RIPOR2: variants seen among roughly 807,000 people sequenced by gnomAD.
RIPOR2 encodes the protein rho family-interacting cell polarization regulator 2.
Under a neutral mutation model 114.5 loss-of-function variants are expected in RIPOR2, and 39 were observed. That is an observed-to-expected ratio of 0.34 (90% CI 0.26 to 0.44). RIPOR2 has a LOEUF of 0.44. Among genes scored for constraint, RIPOR2 ranks in the 20% least tolerant of loss-of-function variants. The probability of loss-of-function intolerance (pLI) is 1.00; values close to 1 mark genes in which losing one functional copy is unlikely to be tolerated. For synonymous variants in RIPOR2, 445 were observed against 484.4 expected (o/e 0.92, Z 1.07); for missense variants, 1,007 against 1,255.1 (o/e 0.80, Z 2.99).
chr6:24,840,674 C>T (rs943253994), intron 13 of RIPOR2: 66 of 1,534,226 alleles, frequency 4.3e-5, no homozygotes, highest in Non-Finnish European at 5.0e-5. Flanking sequence ...CATGGGAAAA[C>T]GTCTTTCGGT....
intron 8 of RIPOR2, among the ~76,000 whole-genome samples, chr6:24,853,959 GA>G (rs747210483): frequency 3.4e-4 from 49 of 145,440 alleles, no homozygotes; most frequent in Admixed American, 5.5e-4. Flanking sequence ...CTACTAAAAA[GA>G]AAAAAAAAAA....
intron 1 of RIPOR2, among the ~76,000 whole-genome samples, chr6:24,919,954 T>C (rs140469100): frequency 6.6e-6 from 1 of 152,354 alleles, no homozygotes; most frequent in African/African-American, 2.4e-5. Context: ...TGGAGAGTTA[T>C]TGGTGTTGTT....
chr6:24,839,307 C>CAT (rs1450470471), intron 13 of RIPOR2, 35 bp from the exon 14 acceptor site: 1 of 1,527,444 alleles, frequency 6.5e-7, no homozygotes, highest in East Asian at 2.5e-5. Context: ...AGAACATCAA[C>CAT]ATATCCGGAA....
intron 14 of RIPOR2, among the ~76,000 whole-genome samples, chr6:24,838,475 G>A (rs1413019276): frequency 6.6e-6 from 1 of 152,156 alleles, no homozygotes; most frequent in Non-Finnish European, 1.5e-5. Context: ...ATGGGGTCAA[G>A]TTGTAGACAC....
At chr6:24,875,292 G>A (rs949196443) in intron 2 of RIPOR2, among the ~76,000 whole-genome samples, 3 of 152,210 alleles carry the variant, frequency 2.0e-5, no homozygotes, top group Non-Finnish European at 4.4e-5. Flanking sequence ...ACTAACTTTG[G>A]CAACCTCTGT....
chr6:24,986,759 G>C (rs1183482105), intron 1 of RIPOR2, among the ~76,000 whole-genome samples: 1 of 152,170 alleles, frequency 6.6e-6, no homozygotes, highest in African/African-American at 2.4e-5. Context: ...GTCTGGAGAG[G>C]AGTTGAGAAG....
intron 19 of RIPOR2, among the ~76,000 whole-genome samples, chr6:24,820,027 TTTTA>T (rs1250244686): frequency 2.0e-5 from 3 of 152,020 alleles, no homozygotes; most frequent in Admixed American, 6.6e-5. Flanking sequence ...TATTTTCTAT[TTTTA>T]TTTATTTATT....
chr6:25,038,954 G>T (rs2113778529), intron 1 of RIPOR2, among the ~76,000 whole-genome samples: 1 of 152,362 alleles, frequency 6.6e-6, no homozygotes, highest in East Asian at 1.9e-4. Flanking sequence ...GAGAGCTGTG[G>T]TTGATTACCA....
At chr6:24,963,589 AT>A (rs1363854092) in intron 1 of RIPOR2, among the ~76,000 whole-genome samples, 1 of 152,212 alleles carries the variant, frequency 6.6e-6, no homozygotes, top group Non-Finnish European at 1.5e-5. Context: ...GTACATATTA[AT>A]ATGTAAGGCA....
intron 1 of RIPOR2, among the ~76,000 whole-genome samples, chr6:25,038,743 A>C (rs193039701): frequency 1.5e-4 from 23 of 152,378 alleles, no homozygotes; most frequent in African/African-American, 5.0e-4. Flanking sequence ...GAATCCAGCT[A>C]ATTCATGCCC....
chr6:24,850,845 T>G, intron 9 of RIPOR2, 123 bp from the exon 10 acceptor site: 2 of 1,083,488 alleles, frequency 1.8e-6, no homozygotes, highest in Non-Finnish European at 2.7e-6. Context: ...TTACTCTCCC[T>G]CCACCCCCTT....
intron 1 of RIPOR2, among the ~76,000 whole-genome samples, chr6:24,900,292 T>C (rs920821081): frequency 6.6e-6 from 1 of 152,214 alleles, no homozygotes; most frequent in Non-Finnish European, 1.5e-5. Context: ...TGCCTCTTAG[T>C]AATTTTTCAG....
At chr6:24,829,727 C>T (rs1455240396) in intron 17 of RIPOR2, among the ~76,000 whole-genome samples, 5 of 152,150 alleles carry the variant, frequency 3.3e-5, no homozygotes, top group Admixed American at 2.0e-4. Context: ...ATTTTTGGCT[C>T]TTGTGAGTAA....
chr6:25,027,055 C>A (rs551430233), intron 1 of RIPOR2, among the ~76,000 whole-genome samples: 2 of 152,266 alleles, frequency 1.3e-5, no homozygotes, highest in South Asian at 4.1e-4. Context: ...ATCTACAAGT[C>A]TCCTATAAGT....
chr6:24,998,047 T>G (rs892473764), intron 1 of RIPOR2, among the ~76,000 whole-genome samples: 1 of 152,122 alleles, frequency 6.6e-6, no homozygotes, highest in Non-Finnish European at 1.5e-5. Flanking sequence ...TGAAATTGAA[T>G]AGGCGGTGGG....
intron 1 of RIPOR2, among the ~76,000 whole-genome samples, chr6:24,909,634 C>T (rs1259817437): frequency 6.6e-6 from 1 of 152,018 alleles, no homozygotes; most frequent in Non-Finnish European, 1.5e-5. Context: ...ATAGAGATGG[C>T]CAAGTACAAT....
At chr6:24,842,372 AT>A (rs1761804719) in intron 13 of RIPOR2, among the ~76,000 whole-genome samples, 1 of 152,088 alleles carries the variant, frequency 6.6e-6, no homozygotes, top group Admixed American at 6.5e-5. Context: ...TATTTTGCTG[AT>A]GATTAATCTG....
intron 1 of RIPOR2, among the ~76,000 whole-genome samples, chr6:25,031,680 T>C (rs1776943146): frequency 7.8e-6 from 1 of 127,780 alleles, no homozygotes. Context: ...TATGGTTAGG[T>C]ATGTGATGTA....
At chr6:25,042,037 C>G (rs1777477548), upstream of RIPOR2, 1 of 490,444 alleles carries the variant, frequency 2.0e-6, no homozygotes, top group Non-Finnish European at 3.5e-6. Context: ...AAACTTAACC[C>G]CCCCCTTTTT....
Sources: allele counts gnomAD v4.1 joint callset (sites outside exome capture counted in the v4.1 genomes callset), GRCh38; gene constraint gnomAD v4.1.1; transcripts MANE v1.5; gene names NCBI Gene and HGNC (gene_info 2026-07-23, HGNC 2026-07-21).